The following PAM variants were observed in gnomAD, a reference collection of about 807,000 sequenced individuals.
PAM encodes the protein peptidyl-glycine alpha-amidating monooxygenase.
In PAM, 72 loss-of-function variants were observed where a neutral mutation model predicts 122.1. The observed-to-expected ratio is 0.59, with a 90% CI of 0.49 to 0.72. PAM has a LOEUF of 0.72. PAM is among the 30% of genes least tolerant of loss of function. The pLI is 0.00. For missense variants in PAM, 1,106 were observed against 1,183.7 expected (o/e 0.93, Z 0.96); for synonymous variants, 389 against 404.4 (o/e 0.96, Z 0.46).
intron 4 of PAM, among the ~76,000 whole-genome samples, chr5:102,908,104 A>C (rs1431020110): frequency 6.6e-6 from 1 of 152,022 alleles, no homozygotes; most frequent in Non-Finnish European, 1.5e-5. Context: ...TTATGGTTTT[A>C]GGTCTAACAT....
At chr5:102,823,230 C>G (rs965339982) in intron 1 of PAM, among the ~76,000 whole-genome samples, 7 of 152,000 alleles carry the variant, frequency 4.6e-5, no homozygotes, top group African/African-American at 1.7e-4. Flanking sequence ...ATTTTGTCAC[C>G]AAAGCTGAGA....
At chr5:102,881,431 T>A (rs1279223868) in intron 3 of PAM, among the ~76,000 whole-genome samples, 1 of 152,048 alleles carries the variant, frequency 6.6e-6, no homozygotes, top group Non-Finnish European at 1.5e-5. Context: ...TACAGAGCTT[T>A]TAAGGATGGG....
chr5:102,924,302 G>A (rs1433362971), intron 5 of PAM, among the ~76,000 whole-genome samples: 6 of 151,700 alleles, frequency 4.0e-5, no homozygotes, highest in African/African-American at 1.5e-4. Flanking sequence ...GCATGGTGGT[G>A]GGCACCTGTA....
chr5:102,942,984 G>A (rs1041941169), intron 7 of PAM, among the ~76,000 whole-genome samples: 1 of 152,070 alleles, frequency 6.6e-6, no homozygotes, highest in Non-Finnish European at 1.5e-5. Flanking sequence ...CCAAAAGGGT[G>A]GCTTGGAATA....
At chr5:102,957,080 T>C (rs1760989834) in intron 12 of PAM, among the ~76,000 whole-genome samples, 2 of 152,168 alleles carry the variant, frequency 1.3e-5, no homozygotes, top group Non-Finnish European at 2.9e-5. Flanking sequence ...TAGAAGGATA[T>C]AGATAGAATA....
chr5:102,969,176 G>A (rs373616744), intron 14 of PAM, among the ~76,000 whole-genome samples: 6 of 151,556 alleles, frequency 4.0e-5, no homozygotes, highest in East Asian at 3.9e-4. Context: ...ACCATGGCAC[G>A]TGGATACCTA....
chr5:102,786,760 T>G (rs1760659083), intron 1 of PAM, among the ~76,000 whole-genome samples: 1 of 152,188 alleles, frequency 6.6e-6, no homozygotes, highest in Non-Finnish European at 1.5e-5. Context: ...TCATTCATCA[T>G]TCTGAGCATA....
At chr5:102,940,220 C>T (rs985301235) in intron 7 of PAM, among the ~76,000 whole-genome samples, 30 of 150,836 alleles carry the variant, frequency 2.0e-4, no homozygotes, top group African/African-American at 5.8e-4. Flanking sequence ...GAATTTTATA[C>T]GAGAAATAGT....
chr5:102,823,051 A>C (rs1334512531), intron 1 of PAM, among the ~76,000 whole-genome samples: 1 of 152,188 alleles, frequency 6.6e-6, no homozygotes, highest in Non-Finnish European at 1.5e-5. Context: ...CCCCAGTTGA[A>C]AAAGATTTCT....
chr5:102,997,307 C>G (rs1776009183), intron 16 of PAM, among the ~76,000 whole-genome samples: 1 of 151,926 alleles, frequency 6.6e-6, no homozygotes, highest in Non-Finnish European at 1.5e-5. Context: ...ATTGCTTGAG[C>G]CCAGAAGTTC....
intron 1 of PAM, among the ~76,000 whole-genome samples, chr5:102,762,199 C>G (rs1194915907): frequency 6.6e-6 from 1 of 152,200 alleles, no homozygotes; most frequent in Non-Finnish European, 1.5e-5. Flanking sequence ...AGTGTGCTTT[C>G]ATTTTTCCTT....
intron 4 of PAM, among the ~76,000 whole-genome samples, chr5:102,911,435 T>C (rs962037421): frequency 3.9e-5 from 6 of 151,970 alleles, no homozygotes; most frequent in Non-Finnish European, 8.8e-5. Flanking sequence ...ACATACCTAG[T>C]TAGAGTTCAA....
chr5:102,929,994 A>G (rs1750920247), intron 7 of PAM, among the ~76,000 whole-genome samples: 1 of 151,912 alleles, frequency 6.6e-6, no homozygotes, highest in Non-Finnish European at 1.5e-5. Flanking sequence ...CCTGTTTTAG[A>G]CTGTGATCTT....
intron 21 of PAM, among the ~76,000 whole-genome samples, chr5:103,016,449 T>G (rs986592014): frequency 6.6e-6 from 1 of 152,160 alleles, no homozygotes; most frequent in African/African-American, 2.4e-5. Flanking sequence ...GTGAAAGATG[T>G]TATCTATATC....
chr5:102,938,623 C>T (rs1754071129), intron 7 of PAM, among the ~76,000 whole-genome samples: 1 of 151,866 alleles, frequency 6.6e-6, no homozygotes, highest in African/African-American at 2.4e-5. Flanking sequence ...TTTTTTTAAT[C>T]GCTCATAATT....
chr5:102,879,294 TGTACA>T (rs1346333657), intron 3 of PAM, among the ~76,000 whole-genome samples: 2 of 152,288 alleles, frequency 1.3e-5, no homozygotes, highest in East Asian at 3.9e-4. Flanking sequence ...TCTACAGTAG[TGTACA>T]GTAATGTCCT....
In PAM at chr5:102,949,617, G is replaced by A; in HGVS notation, c.724G>A (p.Gly242Ser). 1 of 1,326,724 alleles carries A rather than the reference G, an allele frequency of 7.5e-7. No homozygotes were observed. The highest frequency in any genetic ancestry group is 1.1e-6 in the Non-Finnish European group (1 of 919,778). 82.2% of individuals were successfully genotyped at this position (1,326,724 alleles called of 1,614,324 possible). The change falls in exon 10 of 26, where the codon GGT becomes AGT. Residue 242 changes from glycine (G) to serine (S), a missense_variant and splice_region_variant. Physicochemically the swap from Gly to Ser is moderately conservative, Grantham distance 56. Around this residue, in one of 3 missense-constraint regions of PAM, gnomAD observed 670 missense variants for 690.3 expected, o/e 0.97. Coordinates refer to ENST00000438793, the MANE Select transcript of PAM (RefSeq NM_001177306.2). ...FAYRVHTHHL[G>S]KVVSGYRVRN... ...CTATAGAGTTCACACTCACCATTTAGGTAAGAACTTTACATGTTAAATTAT... is the reference window on the plus strand; with the variant it reads ...CTATAGAGTTCACACTCACCATTTAAGTAAGAACTTTACATGTTAAATTAT...
chr5:103,027,988 A>G (rs1304221336), intron 24 of PAM, among the ~76,000 whole-genome samples, 197 bp from the exon 25 acceptor site: 1 of 152,204 alleles, frequency 6.6e-6, no homozygotes, highest in African/African-American at 2.4e-5. Flanking sequence ...AGACACGGGC[A>G]GGAGTCAAAC....
At chr5:102,885,637 A>G (rs543209967) in intron 3 of PAM, among the ~76,000 whole-genome samples, 1 of 152,098 alleles carries the variant, frequency 6.6e-6, no homozygotes, top group East Asian at 1.9e-4. Context: ...CAAAATGGAG[A>G]AAATTGTGGC....
Sources: allele counts gnomAD v4.1 joint callset (sites outside exome capture counted in the v4.1 genomes callset), GRCh38; gene constraint gnomAD v4.1.1; regional missense constraint gnomAD v4.1.1; transcripts MANE v1.5; gene names NCBI Gene and HGNC (gene_info 2026-07-23, HGNC 2026-07-21).